Variants in REL observed in about 807,000 individuals in gnomAD.
REL encodes REL proto-oncogene, NF-kB subunit.
A neutral mutation model predicts 45.9 loss-of-function variants in REL; 15 were observed. That is an observed-to-expected ratio of 0.33 (90% CI 0.22 to 0.50). REL has a LOEUF of 0.50. Among genes scored for constraint, REL ranks in the 20% least tolerant of loss-of-function variants. The pLI, the probability that REL is intolerant of heterozygous loss-of-function variation, is 0.98. For synonymous variants in REL, 239 were observed against 242.1 expected (o/e 0.99, Z 0.12); for missense variants, 601 against 715.2 (o/e 0.84, Z 1.82).
rs1017454831 is a variant in REL at position 60,923,525 on chromosome 2, C to T, written c.*990C>T. On this transcript the variant is annotated 3_prime_UTR_variant, in exon 10 of 10. Transcript: ENST00000394479. ...CACTCAGCATATCCAAAACTGAATT[C>T]TTGGTCTTCCCTCCCAAACTTGCTT... 121 of 232,728 alleles carry T rather than the reference C, an allele frequency of 5.2e-4. No individual in the cohort carries two copies. Among genetic ancestry groups the T allele is most frequent in the African/African-American group, 2.4e-3 (111 of 45,416 alleles). 14.4% of individuals were successfully genotyped at this position (232,728 alleles called of 1,614,324 possible). A position where few individuals can be genotyped will look rare whatever the true frequency, so the allele number is the denominator to read the frequency against.
chr2:60,916,955 A>G lies in REL; in HGVS notation c.473A>G (p.Asp158Gly), dbSNP rs1247878780. ...VRLCFQVFLP[D>G]EHGNLTTALP... is the part of the protein sequence containing the mutation. The stretch of plus-strand genomic sequence containing the variant: ...CTGTGTTTTCAAGTTTTTCTCCCTG[A>G]TGAACATGGTAATTTGACGACTGCT... The change falls in exon 5 of 10, where the codon GAT becomes GGT. Residue 158 changes from aspartate to glycine, a missense_variant. By Grantham distance (94) the Asp-to-Gly change is moderately conservative. Around this residue, in one of 4 missense-constraint regions of REL, gnomAD observed 241 missense variants for 347.0 expected, o/e 0.69. Coordinates refer to ENST00000394479, the MANE Select transcript of REL (RefSeq NM_001291746.2). The G allele has an allele frequency of 1.2e-6, 2 of 1,613,400 alleles. No individual in the cohort carries two copies. The highest frequency in any genetic ancestry group is 2.7e-5 in the African/African-American group (2 of 74,884).
intron 1 of REL, among the ~76,000 whole-genome samples, chr2:60,884,308 T>C (rs1179618389): frequency 6.6e-6 from 1 of 152,044 alleles, no homozygotes; most frequent in Non-Finnish European, 1.5e-5. Context: ...ACATAAATCA[T>C]AATCTTATAA....
intron 8 of REL, 83 bp downstream of exon 8, chr2:60,920,192 GT>G: frequency 8.9e-7 from 1 of 1,118,040 alleles, no homozygotes; most frequent in Non-Finnish European, 1.3e-6. Flanking sequence ...TATTATTTTT[GT>G]TTTGTTTTGT....
At chr2:60,911,071 C>T (rs1180042806) in intron 4 of REL, among the ~76,000 whole-genome samples, 1 of 152,144 alleles carries the variant, frequency 6.6e-6, no homozygotes, top group African/African-American at 2.4e-5. Flanking sequence ...GAAACATTCG[C>T]TTTGAAGTTA....
At chr2:60,891,116 G>C (rs903547550) in intron 1 of REL, among the ~76,000 whole-genome samples, 9 of 152,136 alleles carry the variant, frequency 5.9e-5, no homozygotes, top group African/African-American at 2.2e-4. Flanking sequence ...GGCTTGTTTT[G>C]ATATACTGTG....
At chr2:60,885,800 T>C (rs1474845125) in intron 1 of REL, among the ~76,000 whole-genome samples, 2 of 152,254 alleles carry the variant, frequency 1.3e-5, no homozygotes, top group Non-Finnish European at 2.9e-5. Context: ...TCTAGTCAGC[T>C]ATTCTCAACT....
At chr2:60,917,074 A>G in intron 5 of REL, 57 bp downstream of exon 5, 1 of 1,414,738 alleles carries the variant, frequency 7.1e-7, no homozygotes, top group South Asian at 1.3e-5. Flanking sequence ...TAATAGTTTA[A>G]TTCTTAAAAT....
chr2:60,921,640 T>A, intron 9 of REL, 123 bp from the exon 10 acceptor site: 1 of 828,838 alleles, frequency 1.2e-6, no homozygotes, highest in Non-Finnish European at 1.9e-6. Flanking sequence ...ATTTGAAATG[T>A]TACATTGGTT....
chr2:60,908,413 G>A (rs1242074717), intron 4 of REL, among the ~76,000 whole-genome samples: 2 of 152,076 alleles, frequency 1.3e-5, no homozygotes, highest in African/African-American at 4.8e-5. Context: ...CTAGCAAACG[G>A]GGCATAAAGC....
At chr2:60,890,056 G>T (rs542984382) in intron 1 of REL, among the ~76,000 whole-genome samples, 24 of 152,306 alleles carry the variant, frequency 1.6e-4, no homozygotes, top group African/African-American at 5.1e-4. Flanking sequence ...CTAGCTTACA[G>T]TCCCACCAAC....
chr2:60,910,028 G>T (rs1031831021), intron 4 of REL, among the ~76,000 whole-genome samples: 3 of 152,248 alleles, frequency 2.0e-5, no homozygotes, highest in East Asian at 3.9e-4. Flanking sequence ...AGACATAATT[G>T]ATTTTTAAAA....
intron 4 of REL, among the ~76,000 whole-genome samples, chr2:60,915,468 T>C (rs1002489338): frequency 6.6e-6 from 1 of 152,224 alleles, no homozygotes; most frequent in Non-Finnish European, 1.5e-5. Flanking sequence ...TTTTATGCAC[T>C]GTTTCAAAGA....
chr2:60,899,462 T>C (rs1673439664), intron 3 of REL: 1 of 152,140 alleles, frequency 6.6e-6, no homozygotes, highest in African/African-American at 2.4e-5. Flanking sequence ...CCAGCCTGGG[T>C]GGCAGAGTGA....
At position 60,923,734 on chromosome 2, in the gene REL, C is replaced by T. The variant is rs546469159; in HGVS notation, c.*1199C>T. ...CACCTCTTTTGACCTCTACTATTAA[C>T]GCCCTATTCCAAGCCACCATCATCT... On this transcript the variant is annotated 3_prime_UTR_variant, in exon 10 of 10. Transcript: ENST00000394479. The T allele has an allele frequency of 6.0e-5, 14 of 233,190 alleles. No homozygotes were observed. Among genetic ancestry groups the T allele is most frequent in the South Asian group, 1.8e-4 (1 of 5,528 alleles). 14.4% of individuals were successfully genotyped at this position (233,190 alleles called of 1,614,324 possible).
chr2:60,916,411 T>C (rs1283568123), intron 4 of REL, among the ~76,000 whole-genome samples: 3 of 152,106 alleles, frequency 2.0e-5, no homozygotes, highest in Non-Finnish European at 2.9e-5. Flanking sequence ...GAGACCCCCA[T>C]GTCAAAAAAA....
intron 1 of REL, among the ~76,000 whole-genome samples, chr2:60,884,537 T>TAGTAAA (rs1239738434): frequency 6.6e-6 from 1 of 152,170 alleles, no homozygotes; most frequent in East Asian, 1.9e-4. Context: ...AAGGTATGCA[T>TAGTAAA]AGTAGGCAGT....
chr2:60,925,759 C>T lies in REL; in HGVS notation c.*3224C>T. ...ATTAATTAGCACCAATCAGTTTAAACACTGACTGTTAGAATAGCTGCATGG... is the reference window on the plus strand; with the variant it reads ...ATTAATTAGCACCAATCAGTTTAAATACTGACTGTTAGAATAGCTGCATGG... On this transcript the variant is annotated 3_prime_UTR_variant, in exon 10 of 10. Coordinates refer to ENST00000394479, the MANE Select transcript of REL (RefSeq NM_001291746.2). 1 of 201,406 alleles carries T rather than the reference C, an allele frequency of 5.0e-6. No homozygotes were observed. Among genetic ancestry groups the T allele is most frequent in the Non-Finnish European group, 1.0e-5 (1 of 98,020 alleles). 12.5% of individuals were successfully genotyped at this position (201,406 alleles called of 1,614,324 possible). A position where few individuals can be genotyped will look rare whatever the true frequency, so the allele number is the denominator to read the frequency against.
In REL at chr2:60,930,411, T is replaced by C. The variant is rs895546989; in HGVS notation, c.*7876T>C. 4 of 152,374 alleles carry C rather than the reference T, an allele frequency of 2.6e-5. No homozygotes were observed. Among genetic ancestry groups the C allele is most frequent in the African/African-American group, 7.2e-5 (3 of 41,472 alleles). 9.4% of individuals were successfully genotyped at this position (152,374 alleles called of 1,614,324 possible). A position where few individuals can be genotyped will look rare whatever the true frequency, so the allele number is the denominator to read the frequency against. On this transcript the variant is annotated 3_prime_UTR_variant, in exon 10 of 10. Coordinates refer to ENST00000394479, the MANE Select transcript of REL (RefSeq NM_001291746.2). ...GTTATTGCCCAGCTTTGGAGAGCCTTCTTTTGGCTTATCATTTATTATAAG... is the reference window on the plus strand; with the variant it reads ...GTTATTGCCCAGCTTTGGAGAGCCTCCTTTTGGCTTATCATTTATTATAAG...
At chr2:60,888,207 G>C (rs569869576) in intron 1 of REL, among the ~76,000 whole-genome samples, 5 of 152,048 alleles carry the variant, frequency 3.3e-5, no homozygotes, top group African/African-American at 1.2e-4. Flanking sequence ...GGGATTACAG[G>C]TATGAGCCAC....
Sources: allele counts gnomAD v4.1 joint callset (sites outside exome capture counted in the v4.1 genomes callset), GRCh38; gene constraint gnomAD v4.1.1; regional missense constraint gnomAD v4.1.1; transcripts MANE v1.5; gene names NCBI Gene and HGNC (gene_info 2026-07-23, HGNC 2026-07-21).